The following NSMF variants were observed in gnomAD, a reference collection of about 807,000 sequenced individuals.
NSMF encodes nasal embryonic LHRH factor.
A neutral mutation model predicts 71.0 loss-of-function variants in NSMF; 31 were observed. That is an observed-to-expected ratio of 0.44 (90% CI 0.33 to 0.59). NSMF has a LOEUF of 0.59. Ranked by LOEUF, NSMF falls within the 20% of genes least tolerant of loss-of-function variation. The pLI is 0.04. For synonymous variants in NSMF, 345 were observed against 287.1 expected, an observed-to-expected ratio of 1.20 and a Z score of -2.04; for missense variants, 673 against 740.5, an observed-to-expected ratio of 0.91 and a Z score of 1.06.
At chr9:137,455,363 A>C (rs1588506003) in intron 5 of NSMF, 56 bp from the exon 6 acceptor site, 1 of 1,584,344 alleles carries the variant, frequency 6.3e-7, no homozygotes, top group Admixed American at 1.7e-5. Context: ...AGGGACACAG[A>C]CGTCGGGACA....
chr9:137,456,614 G>C, intron 3 of NSMF, 128 bp from the exon 4 acceptor site: 2 of 735,952 alleles, frequency 2.7e-6, no homozygotes, highest in Non-Finnish European at 2.5e-6. Context: ...GCGGGTGGGG[G>C]GAGGGTGGCA....
chr9:137,458,907 G>A (rs973946933), intron 1 of NSMF, 125 bp downstream of exon 1: 3 of 729,240 alleles, frequency 4.1e-6, no homozygotes, highest in Admixed American at 7.6e-5. Flanking sequence ...GCGGGGCGCG[G>A]GGAGGGCGCC....
chr9:137,454,986 G>T (rs1277483562), intron 6 of NSMF: 3 of 718,696 alleles, frequency 4.2e-6, no homozygotes, highest in South Asian at 3.0e-5. Context: ...TGATTGGAGT[G>T]GGGGAGGGGG....
In NSMF at chr9:137,448,256, T is replaced by C. The variant is rs1195233206; in HGVS notation, c.*1138A>G. 6.6e-6 allele frequency: 1 copy of C among 152,394 alleles called. No homozygotes were observed. Among genetic ancestry groups the C allele is most frequent in the Non-Finnish European group, 1.5e-5 (1 of 68,092 alleles). The allele number at this position is 152,394 out of a possible 1,614,324, so 9.4% of individuals were successfully genotyped here. On this transcript the variant is annotated 3_prime_UTR_variant, in exon 16 of 16. Transcript: ENST00000371475. The surrounding 1 kb of genome is among the most constrained non-coding windows in gnomAD (Gnocchi z 5.3). ...GGAGGATCAGGTTTAATGGTCACTA[T>C]GAGGGTATCGTACATCGTTCCAAGC...
intron 2 of NSMF, 132 bp downstream of exon 2, chr9:137,458,356 G>A: frequency 3.6e-6 from 3 of 833,238 alleles, no homozygotes; most frequent in Non-Finnish European, 5.8e-6. Flanking sequence ...GGGGATGTAA[G>A]GAAGCCAGGC....
At chr9:137,456,118 G>A (rs2132005349) in intron 4 of NSMF, among the ~76,000 whole-genome samples, 1 of 151,960 alleles carries the variant, frequency 6.6e-6, no homozygotes, top group East Asian at 1.9e-4. Flanking sequence ...GAGGAGAGTG[G>A]ATAGGAGCAG....
At chr9:137,449,564 G>C in intron 15 of NSMF, 35 bp downstream of exon 15, 2 of 1,611,068 alleles carry the variant, frequency 1.2e-6, no homozygotes, top group Non-Finnish European at 1.7e-6. Context: ...GCCCCGCAGT[G>C]GCTGCAGAGC....
At chr9:137,449,716 G>A (rs372737983) in intron 14 of NSMF, 42 bp from the exon 15 acceptor site, 5 of 1,565,758 alleles carry the variant, frequency 3.2e-6, no homozygotes, top group Middle Eastern at 1.7e-4. Flanking sequence ...CAGAGAGATG[G>A]GGAAGGAGGA....
Position 137,453,705 on chromosome 9 carries a change from TG to T in NSMF, c.922+25del. 6.4e-7 allele frequency: 1 copy of T among 1,561,978 alleles called. No homozygotes were observed. Among genetic ancestry groups the T allele is most frequent in the Non-Finnish European group, 8.7e-7 (1 of 1,153,078 alleles). The stretch of plus-strand genomic sequence containing the variant: ...GGTCTAGGGGAGGCTCTGGGGAAGG[TG>T]GGCGGGCCTGTGCGGGGCACCTACT... On this transcript the variant is annotated intron_variant, in intron 8 of 15. Coordinates refer to ENST00000371475, the MANE Select transcript of NSMF (RefSeq NM_001130969.3). This position sits in a 1 kb window ranked among gnomAD's most constrained non-coding sequence, Gnocchi z 4.5.
Position 137,449,340 on chromosome 9 carries a change from G to C in NSMF, c.*54C>G. On this transcript the variant is annotated 3_prime_UTR_variant, in exon 16 of 16. Coordinates refer to ENST00000371475, the MANE Select transcript of NSMF (RefSeq NM_001130969.3). ...GGGAGCACGAGGCGGCCCAGCCCCAGGTCCCGGTGCAGAGGGAGTGGCCTG... is the reference window on the plus strand; with the variant it reads ...GGGAGCACGAGGCGGCCCAGCCCCACGTCCCGGTGCAGAGGGAGTGGCCTG... 3 of 1,493,830 alleles carry C rather than the reference G, an allele frequency of 2.0e-6. No individual in the cohort carries two copies. The highest frequency in any genetic ancestry group is 2.8e-6 in the Non-Finnish European group (3 of 1,075,698). The allele number at this position is 1,493,830 out of a possible 1,614,324, so 92.5% of individuals were successfully genotyped here. A position where few individuals can be genotyped will look rare whatever the true frequency, so the allele number is the denominator to read the frequency against.
At chr9:137,455,386 GAGGGCCCAGCAGGGCGTCTGGGGCAC>G in intron 5 of NSMF, 79 bp from the exon 6 acceptor site, 1 of 1,526,186 alleles carries the variant, frequency 6.6e-7, no homozygotes. Context: ...GGTGCGAGCA[GAGGGCCCAGCAGGGCGTCTGGGGCAC>G]GGGGCCCGGC....
intron 14 of NSMF, 26 bp from the exon 15 acceptor site, chr9:137,449,700 C>T (rs549275461): frequency 1.0e-4 from 165 of 1,599,878 alleles, no homozygotes; most frequent in Non-Finnish European, 6.0e-6. Context: ...TGCCATGAGT[C>T]CGAGGCAGAG....
rs2131928802 is a variant in NSMF at position 137,448,682 on chromosome 9, G to C, written c.*712C>G. 1 of 153,400 alleles carries C rather than the reference G, an allele frequency of 6.5e-6. No homozygotes were observed. Among genetic ancestry groups the C allele is most frequent in the Non-Finnish European group, 1.5e-5 (1 of 68,794 alleles). The allele number at this position is 153,400 out of a possible 1,614,324, so 9.5% of individuals were successfully genotyped here. A position where few individuals can be genotyped will look rare whatever the true frequency, so the allele number is the denominator to read the frequency against. On this transcript the variant is annotated 3_prime_UTR_variant, in exon 16 of 16. Coordinates refer to ENST00000371475, the MANE Select transcript of NSMF (RefSeq NM_001130969.3). This position sits in a 1 kb window ranked among gnomAD's most constrained non-coding sequence, Gnocchi z 5.3. Reference sequence around the variant, plus strand: ...CACCCAGAGCCTCCTCTGAAGGAGGGGACGCTGCGCCCTTCCTTCCTGCTG... The same window carrying C: ...CACCCAGAGCCTCCTCTGAAGGAGGCGACGCTGCGCCCTTCCTTCCTGCTG...
chr9:137,448,673 TGAA>T lies in NSMF; in HGVS notation c.*718_*720del, dbSNP rs1299553158. The T allele has an allele frequency of 6.5e-6, 1 of 153,108 alleles. No individual in the cohort carries two copies. The highest frequency in any genetic ancestry group is 2.4e-5 in the African/African-American group (1 of 41,450). The allele number at this position is 153,108 out of a possible 1,614,324, so 9.5% of individuals were successfully genotyped here. On this transcript the variant is annotated 3_prime_UTR_variant, in exon 16 of 16. Transcript: ENST00000371475. This position sits in a 1 kb window ranked among gnomAD's most constrained non-coding sequence, Gnocchi z 5.3. ...AGCAGGCCCCACCCAGAGCCTCCTCTGAAGGAGGGGACGCTGCGCCCTTCCTTC... is the reference window on the plus strand; with the variant it reads ...AGCAGGCCCCACCCAGAGCCTCCTCTGGAGGGGACGCTGCGCCCTTCCTTC...
At chr9:137,455,487 G>T in intron 5 of NSMF, 142 bp downstream of exon 5, 1 of 1,190,420 alleles carries the variant, frequency 8.4e-7, no homozygotes, top group Non-Finnish European at 1.2e-6. Flanking sequence ...TGCGACCTCG[G>T]TGCCCGCTGG....
At chr9:137,452,861 A>G in intron 9 of NSMF, 42 bp from the exon 10 acceptor site, 1 of 1,571,018 alleles carries the variant, frequency 6.4e-7, no homozygotes, top group African/African-American at 1.3e-5. Context: ...AGGCCCATCC[A>G]AAAGCCAAGG....
At position 137,450,538 on chromosome 9, in the gene NSMF, ACACC is replaced by A. The variant is rs1204528516; in HGVS notation, c.1237-287_1237-284del. Among the ~76,000 whole-genome samples, 46 of 5,020 alleles carry A rather than the reference ACACC, an allele frequency of 9.2e-3. 14 individuals are homozygous for A. The highest frequency in any genetic ancestry group is 0.035 in the African/African-American group (41 of 1,168). 3.3% of individuals were successfully genotyped at this position (5,020 alleles called of 152,430 possible). Reference sequence around the variant, plus strand: ...TCTTCCCTTTGATCTCCCCCACCACACACCTCTTCCCTTTGATCTCCCCCACCAC... The same window carrying A: ...TCTTCCCTTTGATCTCCCCCACCACATCTTCCCTTTGATCTCCCCCACCAC... On this transcript the variant is annotated intron_variant, in intron 12 of 15. Coordinates refer to ENST00000371475, the MANE Select transcript of NSMF (RefSeq NM_001130969.3).
Position 137,458,541 on chromosome 9 carries a change from C to A in NSMF, c.80G>T (p.Arg27Leu). 1.3e-6 allele frequency: 2 copies of A among 1,597,170 alleles called. No homozygotes were observed. Among genetic ancestry groups the A allele is most frequent in the Non-Finnish European group, 1.7e-6 (2 of 1,173,704 alleles). ...CTGGGACAGGTACTCTCCAAACGCTCGGGCTGCTCTGAGGGTGGACAGAGG... is the reference window on the plus strand; with the variant it reads ...CTGGGACAGGTACTCTCCAAACGCTAGGGCTGCTCTGAGGGTGGACAGAGG... ...SSVAAKVRAA[R>L]AFGEYLSQSH... The change falls in exon 2 of 16, where the codon CGA becomes CTA. Residue 27 changes from arginine to leucine, a missense_variant. This residue lies in a region of NSMF where 471 missense variants were observed against 459.6 expected (regional missense o/e 1.02). Coordinates refer to ENST00000371475, the MANE Select transcript of NSMF (RefSeq NM_001130969.3).
chr9:137,449,727 G>T, intron 14 of NSMF, 53 bp from the exon 15 acceptor site: 1 of 1,523,798 alleles, frequency 6.6e-7, no homozygotes. Flanking sequence ...GGAAGGAGGA[G>T]CGGGGAGGAG....
Sources: gnomAD v4.1 joint callset for allele counts (sites outside exome capture counted in the v4.1 genomes callset) on GRCh38, gnomAD v4.1.1 for gene constraint, gnomAD v4.1.1 regional missense constraint, Gnocchi (gnomAD v3.1) non-coding constraint, MANE v1.5 for transcripts, NCBI Gene and HGNC (gene_info 2026-07-23, HGNC 2026-07-21) for gene names.